Variants in ADAMTS6 observed in about 807,000 individuals in gnomAD.
ADAMTS6 encodes A disintegrin and metalloproteinase with thrombospondin motifs 6.
A neutral mutation model predicts 144.3 loss-of-function variants in ADAMTS6; 23 were observed. The ratio of observed to expected loss-of-function variants is 0.16; its 90% CI spans 0.11 to 0.23. The LOEUF (loss-of-function observed/expected upper bound fraction) is 0.23, where lower values mean the gene tolerates loss of function less well. Ranked by LOEUF, ADAMTS6 falls within the 10% of genes least tolerant of loss-of-function variation. The pLI, the probability that ADAMTS6 is intolerant of heterozygous loss-of-function variation, is 1.00. For synonymous variants in ADAMTS6, 444 were observed against 457.5 expected (o/e 0.97, Z 0.38); for missense variants, 999 against 1,379.6 (o/e 0.72, Z 4.37).
chr5:65,314,939 T>C (rs1343361189), intron 9 of ADAMTS6, among the ~76,000 whole-genome samples: 2 of 152,138 alleles, frequency 1.3e-5, no homozygotes, highest in Non-Finnish European at 2.9e-5. Flanking sequence ...TCACCCACAT[T>C]TGATCATACA....
At chr5:65,212,382 C>T (rs1756592625) in intron 20 of ADAMTS6, among the ~76,000 whole-genome samples, 1 of 147,776 alleles carries the variant, frequency 6.8e-6, no homozygotes, top group Non-Finnish European at 1.5e-5. Context: ...GAATAAATAA[C>T]AAGGAAGAGA....
At chr5:65,294,451 C>T (rs1742638163) in intron 10 of ADAMTS6, among the ~76,000 whole-genome samples, 1 of 152,182 alleles carries the variant, frequency 6.6e-6, no homozygotes, top group East Asian at 1.9e-4. Context: ...CTCAAGAGAT[C>T]TTCCTGCCTT....
At chr5:65,238,138 A>G (rs1758845158) in intron 15 of ADAMTS6, among the ~76,000 whole-genome samples, 1 of 152,146 alleles carries the variant, frequency 6.6e-6, no homozygotes, top group Admixed American at 6.6e-5. Context: ...GTCACTCAGC[A>G]TATTAATAGG....
intron 24 of ADAMTS6, among the ~76,000 whole-genome samples, chr5:65,158,651 A>G (rs1173929568): frequency 6.6e-6 from 1 of 152,204 alleles, no homozygotes; most frequent in African/African-American, 2.4e-5. Flanking sequence ...TTGCAAATGT[A>G]CTGATACCCA....
At chr5:65,259,056 G>A (rs1760932941) in intron 14 of ADAMTS6, among the ~76,000 whole-genome samples, 1 of 152,068 alleles carries the variant, frequency 6.6e-6, no homozygotes, top group South Asian at 2.1e-4. Flanking sequence ...TGAGGTCAGA[G>A]TAAAGAGTAG....
chr5:65,233,288 T>C (rs937032978), intron 15 of ADAMTS6, among the ~76,000 whole-genome samples: 2 of 152,090 alleles, frequency 1.3e-5, no homozygotes, highest in African/African-American at 4.8e-5. Context: ...AAGGTAACGA[T>C]GCCCATTCTC....
At chr5:65,283,338 C>A (rs934735750) in intron 11 of ADAMTS6, among the ~76,000 whole-genome samples, 8 of 151,710 alleles carry the variant, frequency 5.3e-5, no homozygotes, top group African/African-American at 1.9e-4. Context: ...AATTTAAGTA[C>A]AACAGATCCT....
chr5:65,187,296 TC>T (rs2112169978), intron 22 of ADAMTS6, among the ~76,000 whole-genome samples: 1 of 152,328 alleles, frequency 6.6e-6, no homozygotes, highest in South Asian at 2.1e-4. Flanking sequence ...ACCTAATTTT[TC>T]ATAAGATAAT....
intron 3 of ADAMTS6, among the ~76,000 whole-genome samples, chr5:65,463,200 T>C (rs1412789775): frequency 6.6e-6 from 1 of 151,918 alleles, no homozygotes; most frequent in Non-Finnish European, 1.5e-5. Flanking sequence ...GAGAGAATTA[T>C]ACAAACTATT....
At chr5:65,209,295 C>T (rs1396531079) in intron 20 of ADAMTS6, among the ~76,000 whole-genome samples, 1 of 152,110 alleles carries the variant, frequency 6.6e-6, no homozygotes, top group Admixed American at 6.5e-5. Flanking sequence ...ATTCGGGAGT[C>T]AGTAAATTAT....
At chr5:65,213,798 G>A (rs1327001663) in intron 20 of ADAMTS6, among the ~76,000 whole-genome samples, 3 of 152,066 alleles carry the variant, frequency 2.0e-5, no homozygotes, top group Non-Finnish European at 4.4e-5. Context: ...TTTCTGCATA[G>A]TTTAAAAAAG....
chr5:65,223,242 C>T (rs1224216611), intron 18 of ADAMTS6, among the ~76,000 whole-genome samples: 1 of 152,020 alleles, frequency 6.6e-6, no homozygotes. Flanking sequence ...TTAAGGTGTA[C>T]AATCTGATGA....
At chr5:65,181,990 T>C (rs1330854158) in intron 22 of ADAMTS6, among the ~76,000 whole-genome samples, 1 of 152,232 alleles carries the variant, frequency 6.6e-6, no homozygotes, top group East Asian at 1.9e-4. Flanking sequence ...CTGTTATTAT[T>C]TTAAGAATGT....
chr5:65,280,402 T>C (rs938760729), intron 11 of ADAMTS6, among the ~76,000 whole-genome samples: 15 of 152,338 alleles, frequency 9.8e-5, no homozygotes, highest in Admixed American at 9.2e-4. Flanking sequence ...TCTGCCCTCA[T>C]GGCTGCAATA....
chr5:65,439,304 T>A (rs1404038963), intron 7 of ADAMTS6, among the ~76,000 whole-genome samples: 1 of 152,032 alleles, frequency 6.6e-6, no homozygotes, highest in African/African-American at 2.4e-5. Context: ...AGTCTCGAGG[T>A]AACTTGCCAA....
chr5:65,420,877 T>C (rs146497059), intron 7 of ADAMTS6, among the ~76,000 whole-genome samples: 1 of 152,168 alleles, frequency 6.6e-6, no homozygotes, highest in East Asian at 1.9e-4. Context: ...GGATGGATAA[T>C]TATAGGAAGA....
rs1185199009 is a variant in ADAMTS6, at chr5:65,279,752, A to G, written c.1513-6305T>C. On this transcript the variant is annotated intron_variant, in intron 11 of 24. Transcript: ENST00000381055. ...TGTATCTTTCCTATTCTTTCTTCTA[A>G]AGCTCCTATTTAACTTAAGTTAGAC... 2.0e-5 allele frequency among the ~76,000 whole-genome samples: 3 copies of G among 152,110 alleles called. 1 individual carries two copies. The highest frequency in any genetic ancestry group is 2.0e-4 in the Admixed American group (3 of 15,256).
intron 7 of ADAMTS6, among the ~76,000 whole-genome samples, chr5:65,412,358 T>C (rs565328471): frequency 1.3e-5 from 2 of 152,022 alleles, no homozygotes; most frequent in East Asian, 3.8e-4. Flanking sequence ...TACAGCATTA[T>C]ATAGAAGTAC....
At chr5:65,316,862 C>T (rs1411777203) in intron 9 of ADAMTS6, among the ~76,000 whole-genome samples, 1 of 151,436 alleles carries the variant, frequency 6.6e-6, no homozygotes, top group Non-Finnish European at 1.5e-5. Context: ...AGTGCAATAT[C>T]GCAATCTTGG....
Sources: allele counts gnomAD v4.1 joint callset (sites outside exome capture counted in the v4.1 genomes callset), GRCh38; gene constraint gnomAD v4.1.1; transcripts MANE v1.5; gene names NCBI Gene and HGNC (gene_info 2026-07-23, HGNC 2026-07-21).